Variants in ZNF264 observed in about 807,000 individuals in gnomAD.
The protein encoded by ZNF264 is zinc finger protein 264.
Under a neutral mutation model 11.2 loss-of-function variants are expected in ZNF264, and 11 were observed. That is an observed-to-expected ratio of 0.98 (90% CI 0.62 to 1.63). The LOEUF (loss-of-function observed/expected upper bound fraction) is 1.63, where lower values mean the gene tolerates loss of function less well. Among genes scored for constraint, ZNF264 ranks in the 40% most tolerant of loss-of-function variants. ZNF264 has a pLI of 0.00. For synonymous variants in ZNF264, 309 were observed against 279.8 expected (o/e 1.10, Z -1.04); for missense variants, 752 against 768.1 (o/e 0.98, Z 0.25).
At chr19:57,201,065 G>GTA (rs953552556) in intron 2 of ZNF264, among the ~76,000 whole-genome samples, 1 of 151,794 alleles carries the variant, frequency 6.6e-6, no homozygotes, top group East Asian at 1.9e-4. Flanking sequence ...TATTGTATGT[G>GTA]TATATATATA....
intron 2 of ZNF264, among the ~76,000 whole-genome samples, chr19:57,198,081 T>C (rs1343696546): frequency 2.0e-5 from 3 of 152,024 alleles, no homozygotes; most frequent in Non-Finnish European, 4.4e-5. Flanking sequence ...GGTATATTGC[T>C]GGCCTTGCCA....
At position 57,216,449 on chromosome 19, in the gene ZNF264, G is replaced by C. The variant is rs553232499; in HGVS notation, c.*3468G>C. 4 of 152,288 alleles carry C rather than the reference G, an allele frequency of 2.6e-5. No homozygotes were observed. The highest frequency in any genetic ancestry group is 7.2e-5 in the African/African-American group (3 of 41,576). 9.4% of individuals were successfully genotyped at this position (152,288 alleles called of 1,614,324 possible). A position where few individuals can be genotyped will look rare whatever the true frequency, so the allele number is the denominator to read the frequency against. The stretch of plus-strand genomic sequence containing the variant: ...TGCAAAGTTCAAAGCTGTATTGTTT[G>C]GTACATATACATGTAGGTTTGCCAA... On this transcript the variant is annotated 3_prime_UTR_variant, in exon 4 of 4. Transcript: ENST00000263095.
intron 2 of ZNF264, among the ~76,000 whole-genome samples, chr19:57,199,888 C>G (rs2087238421): frequency 6.6e-6 from 1 of 151,744 alleles, no homozygotes; most frequent in Non-Finnish European, 1.5e-5. Context: ...CAGGGTTTAT[C>G]TCCTCAGACA....
rs935336829 is a variant in ZNF264, at chr19:57,221,357, C to G, written c.*8376C>G. 1 of 152,082 alleles carries G rather than the reference C, an allele frequency of 6.6e-6. No homozygotes were observed. The highest frequency in any genetic ancestry group is 2.4e-5 in the African/African-American group (1 of 41,404). The allele number at this position is 152,082 out of a possible 1,614,324, so 9.4% of individuals were successfully genotyped here. A position where few individuals can be genotyped will look rare whatever the true frequency, so the allele number is the denominator to read the frequency against. On this transcript the variant is annotated 3_prime_UTR_variant, in exon 4 of 4. Coordinates refer to ENST00000263095, the MANE Select transcript of ZNF264 (RefSeq NM_003417.5). ...AGCCACCGCACCTGGCCTACCTGGG[C>G]TTTTTTGGACAGATGTACATGATTT...
Position 57,215,441 on chromosome 19 carries a change from G to T in ZNF264, c.*2460G>T, listed in dbSNP as rs970154756. On this transcript the variant is annotated 3_prime_UTR_variant, in exon 4 of 4. Transcript: ENST00000263095. ...CTTAGACATTTATCAGTTTTATTGC[G>T]CATCATGCTGAAAGATGTAATTTTT... 3 of 151,844 alleles carry T rather than the reference G, an allele frequency of 2.0e-5. No homozygotes were observed. Among genetic ancestry groups the T allele is most frequent in the Non-Finnish European group, 4.4e-5 (3 of 67,966 alleles). The allele number at this position is 151,844 out of a possible 1,614,324, so 9.4% of individuals were successfully genotyped here. A position where few individuals can be genotyped will look rare whatever the true frequency, so the allele number is the denominator to read the frequency against.
In ZNF264 at chr19:57,212,723, T is replaced by C; in HGVS notation, c.1626T>C (p.Ser542=). The C allele has an allele frequency of 1.9e-6, 3 of 1,614,090 alleles. No individual in the cohort carries two copies. The highest frequency in any genetic ancestry group is 1.7e-6 in the Non-Finnish European group (2 of 1,180,008). Residue 542 remains serine, a synonymous_variant, in exon 4 of 4, where the codon AGT becomes AGC. Coordinates refer to ENST00000263095, the MANE Select transcript of ZNF264 (RefSeq NM_003417.5). ...CTGGAGAGAAGCCCTATAAATGTAG[T>C]GAATGTGGAAAGGCCTTCAGTCGCA... ...IHTGEKPYKC[S]ECGKAFSRSS...
chr19:57,211,998 A>G lies in ZNF264; in HGVS notation c.901A>G (p.Asn301Asp), dbSNP rs931608238. 1 of 1,613,836 alleles carries G rather than the reference A, an allele frequency of 6.2e-7. No homozygotes were observed. Among genetic ancestry groups the G allele is most frequent in the African/African-American group, 1.3e-5 (1 of 74,830 alleles). ...CGGAAAGGCCTTCACCCACCGCTCC[A>G]ATTTTGTCTTGCATAACAGGAGACA... is the stretch of plus-strand genomic sequence containing the variant. ...ECGKAFTHRSNFVLHNRRHTG... is the reference protein window; with the variant it reads ...ECGKAFTHRSDFVLHNRRHTG... The change falls in exon 4 of 4, where the codon AAT becomes GAT. Residue 301 changes from asparagine to aspartate, a missense_variant. Asn to Asp is a conservative substitution (Grantham distance 23). Transcript: ENST00000263095.
Position 57,205,443 on chromosome 19 carries a change from G to T in ZNF264, c.207G>T (p.Gly69=). 1 of 1,612,552 alleles carries T rather than the reference G, an allele frequency of 6.2e-7. No homozygotes were observed. Among genetic ancestry groups the T allele is most frequent in the African/African-American group, 1.3e-5 (1 of 75,034 alleles). ...KAELICHLEH[G]QEPWTRKEDL... ...AGCTGATCTGCCACCTAGAGCATGGGCAGGAGCCATGGACCAGGAAGGAAG... is the reference window on the plus strand; with the variant it reads ...AGCTGATCTGCCACCTAGAGCATGGTCAGGAGCCATGGACCAGGAAGGAAG... The change falls in exon 3 of 4, where the codon GGG becomes GGT. Residue 69 remains glycine, a synonymous_variant. Transcript: ENST00000263095.
intron 3 of ZNF264, among the ~76,000 whole-genome samples, chr19:57,206,963 G>T (rs1012377939): frequency 7.0e-6 from 1 of 142,838 alleles, no homozygotes; most frequent in Non-Finnish European, 1.5e-5. Context: ...GCCTCTGCCC[G>T]CGTGGGTTCC....
intron 1 of ZNF264, chr19:57,192,353 C>T (rs990673781): frequency 3.0e-6 from 3 of 985,316 alleles, no homozygotes; most frequent in East Asian, 2.3e-4. Flanking sequence ...CCATGGTTTT[C>T]CTGCGGCCGC....
intron 2 of ZNF264, among the ~76,000 whole-genome samples, chr19:57,197,226 T>G (rs1007327151): frequency 4.0e-5 from 6 of 151,810 alleles, no homozygotes; most frequent in Non-Finnish European, 8.8e-5. Context: ...AGGATCCGCT[T>G]GAGCCCAATC....
In ZNF264 at chr19:57,211,940, C is replaced by T; in HGVS notation, c.843C>T (p.His281=). 6.2e-7 allele frequency: 1 copy of T among 1,613,986 alleles called. No individual in the cohort carries two copies. Among genetic ancestry groups the T allele is most frequent in the Non-Finnish European group, 8.5e-7 (1 of 1,179,996 alleles). Residue 281 remains histidine (H), a synonymous_variant, in exon 4 of 4, where the codon CAC becomes CAT. Transcript: ENST00000263095. ...ACCTTACCCAGCACCAGCGGATTCA[C>T]AGTGGAGAGAAGCCTTACAAGTGCA... The part of the protein sequence containing the change: ...KSYLTQHQRI[H]SGEKPYKCNE...
Position 57,212,527 on chromosome 19 carries a change from ACACTGGAGAGAAG to A in ZNF264, c.1432_1444del (p.Thr478ProfsTer88). On this transcript the variant is annotated frameshift_variant, in exon 4 of 4. Coordinates refer to ENST00000263095, the MANE Select transcript of ZNF264 (RefSeq NM_003417.5). LOFTEE classifies it low-confidence loss of function (END_TRUNC). ...GACCTCATTCGCCACTTCAGCATCC[ACACTGGAGAGAAG>A]CCCTATGAGTGCGTGGAGTGTGGAA... 6.2e-7 allele frequency: 1 copy of A among 1,614,134 alleles called. No homozygotes were observed. Among genetic ancestry groups the A allele is most frequent in the Non-Finnish European group, 8.5e-7 (1 of 1,180,002 alleles).
At chr19:57,202,451 G>C (rs1599948987) in intron 2 of ZNF264, among the ~76,000 whole-genome samples, 1 of 151,752 alleles carries the variant, frequency 6.6e-6, no homozygotes, top group Non-Finnish European at 1.5e-5. Flanking sequence ...AACCCCTATA[G>C]CCCTTTTGTT....
Position 57,217,202 on chromosome 19 carries a change from AC to A in ZNF264, c.*4223del, listed in dbSNP as rs2087386207. ...ATTGTAAAGTCAAGTAGTAAGTCGA[AC>A]CATCCTAAGTCAGGGACTGTCTGTA... is the stretch of plus-strand genomic sequence containing the variant. On this transcript the variant is annotated 3_prime_UTR_variant, in exon 4 of 4. Coordinates refer to ENST00000263095, the MANE Select transcript of ZNF264 (RefSeq NM_003417.5). 6.6e-6 allele frequency: 1 copy of A among 152,244 alleles called. No individual in the cohort carries two copies. The highest frequency in any genetic ancestry group is 1.5e-5 in the Non-Finnish European group (1 of 68,048). 9.4% of individuals were successfully genotyped at this position (152,244 alleles called of 1,614,324 possible).
chr19:57,193,236 A>G (rs576981228), intron 1 of ZNF264, among the ~76,000 whole-genome samples: 1 of 152,322 alleles, frequency 6.6e-6, no homozygotes, highest in Admixed American at 6.5e-5. Context: ...GCGCTTCCTT[A>G]GCATGAAGTC....
rs2087339777 is a variant in ZNF264, at chr19:57,211,925, G to A, written c.828G>A (p.Gln276=). 6.2e-7 allele frequency: 1 copy of A among 1,613,892 alleles called. No homozygotes were observed. The highest frequency in any genetic ancestry group is 1.1e-5 in the South Asian group (1 of 91,074). ...TCAACCGCAAGTCATACCTTACCCA[G>A]CACCAGCGGATTCACAGTGGAGAGA... is the stretch of plus-strand genomic sequence containing the variant. ...KAFNRKSYLT[Q]HQRIHSGEKP... Residue 276 remains glutamine, a synonymous_variant, in exon 4 of 4, where the codon CAG becomes CAA. Coordinates refer to ENST00000263095, the MANE Select transcript of ZNF264 (RefSeq NM_003417.5).
intron 1 of ZNF264, chr19:57,192,261 G>C: frequency 1.2e-6 from 1 of 856,928 alleles, no homozygotes; most frequent in Non-Finnish European, 1.4e-6. Flanking sequence ...GGGAGGGCAG[G>C]GCAGTAGCAA....
intron 2 of ZNF264, among the ~76,000 whole-genome samples, chr19:57,198,075 T>C (rs999240209): frequency 2.0e-5 from 3 of 151,992 alleles, no homozygotes; most frequent in African/African-American, 7.3e-5. Flanking sequence ...CGTGAAGGTA[T>C]ATTGCTGGCC....
Sources: gnomAD v4.1 joint callset for allele counts (sites outside exome capture counted in the v4.1 genomes callset) on GRCh38, gnomAD v4.1.1 for gene constraint, MANE v1.5 for transcripts, NCBI Gene and HGNC (gene_info 2026-07-23, HGNC 2026-07-21) for gene names.